The following GAS6 variants were observed in gnomAD, a reference collection of about 807,000 sequenced individuals.
GAS6 encodes the protein growth arrest specific 6, also known as growth arrest-specific protein 6.
In GAS6, 41 loss-of-function variants were observed where a neutral mutation model predicts 75.8. The ratio of observed to expected loss-of-function variants is 0.54; its 90% CI spans 0.42 to 0.70. GAS6 has a LOEUF of 0.70. GAS6 is among the 30% of genes least tolerant of loss of function. GAS6 has a pLI of 0.00. For missense variants in GAS6, 854 were observed against 940.2 expected, an observed-to-expected ratio of 0.91 and a Z score of 1.20; for synonymous variants, 432 against 412.6, an observed-to-expected ratio of 1.05 and a Z score of -0.57.
rs571534735 is a variant in GAS6, at chr13:113,834,826, C to A, written c.713-154G>T. On this transcript the variant is annotated intron_variant, in intron 7 of 14. Coordinates refer to ENST00000327773, the MANE Select transcript of GAS6 (RefSeq NM_000820.4). ...GCGGCTTGGGGGTCGCGTCCCCCCCCACTGGAAAGCTAGGTTGCACCCTCG... is the reference window on the plus strand; with the variant it reads ...GCGGCTTGGGGGTCGCGTCCCCCCCAACTGGAAAGCTAGGTTGCACCCTCG... 3.3e-5 allele frequency: 25 copies of A among 756,338 alleles called. No homozygotes were observed. The African/African-American group carries it at 3.4e-4, about 10-fold the overall frequency. The allele number at this position is 756,338 out of a possible 1,614,324, so 46.9% of individuals were successfully genotyped here.
Position 113,822,022 on chromosome 13 carries a change from C to T in GAS6, c.1818G>A (p.Glu606=). ...GGTGCCTCTCGAGCACGGCCAGCCT[C>T]TCCTGCAGCTGCGCGGCGCTCACCT... ...QSEVSAAQLQ[E]RLAVLERHLR... is the part of the protein sequence containing the mutation. The change falls in exon 14 of 15, where the codon GAG becomes GAA. Residue 606 remains glutamate, a synonymous_variant. Coordinates refer to ENST00000327773, the MANE Select transcript of GAS6 (RefSeq NM_000820.4). The T allele has an allele frequency of 6.4e-7, 1 of 1,567,008 alleles. No homozygotes were observed. Among genetic ancestry groups the T allele is most frequent in the East Asian group, 2.3e-5 (1 of 42,842 alleles).
intron 2 of GAS6, among the ~76,000 whole-genome samples, chr13:113,860,365 G>A (rs2051961547): frequency 6.6e-6 from 1 of 152,240 alleles, no homozygotes; most frequent in Admixed American, 6.5e-5. Flanking sequence ...TTTTCCGGCA[G>A]GCAGGCCGGG....
chr13:113,863,148 C>T lies in GAS6; in HGVS notation c.255+427G>A, dbSNP rs1207991575. Among the ~76,000 whole-genome samples the T allele has an allele frequency of 6.6e-6, 1 of 152,208 alleles. No individual in the cohort carries two copies. On this transcript the variant is annotated intron_variant, in intron 2 of 14. Transcript: ENST00000327773. The surrounding 1 kb of genome is among the most constrained non-coding windows in gnomAD (Gnocchi z 9.4). ...TGGACCTGCTGCCGCAAGCAGTTCC[C>T]GCCCTCGGCCCTTTCAATTCCTCTT...
At chr13:113,832,819 C>A (rs534488518) in intron 8 of GAS6, 67 bp from the exon 9 acceptor site, 3 of 1,606,354 alleles carry the variant, frequency 1.9e-6, no homozygotes, top group African/African-American at 2.7e-5. Context: ...GAGCCCCACG[C>A]CCCGGCCGCG....
chr13:113,835,818 G>A lies in GAS6; in HGVS notation c.590-183C>T, dbSNP rs891980153. On this transcript the variant is annotated intron_variant, in intron 6 of 14. Coordinates refer to ENST00000327773, the MANE Select transcript of GAS6 (RefSeq NM_000820.4). ...TGACCGGGCAGCTCCCGGGGTGTTG[G>A]TGCACGCTTCTGATCAAGGCCCGGC... is the stretch of plus-strand genomic sequence containing the variant. 3.5e-6 allele frequency: 5 copies of A among 1,412,918 alleles called. No homozygotes were observed. The African/African-American group carries it at 7.3e-5, about 21-fold the overall frequency. The allele number at this position is 1,412,918 out of a possible 1,614,324, so 87.5% of individuals were successfully genotyped here.
chr13:113,826,059 G>C (rs1423401984), intron 12 of GAS6, among the ~76,000 whole-genome samples: 2 of 152,182 alleles, frequency 1.3e-5, no homozygotes, highest in African/African-American at 4.8e-5. Flanking sequence ...GTGGGAATGT[G>C]AGGCAGGGTG....
intron 2 of GAS6, among the ~76,000 whole-genome samples, chr13:113,860,597 T>C (rs2051963339): frequency 6.6e-6 from 1 of 152,236 alleles, no homozygotes; most frequent in Admixed American, 6.5e-5. Context: ...CAGTCTTCTC[T>C]GAATTAGAAA....
At chr13:113,822,474 C>T in intron 13 of GAS6, 1 of 332,556 alleles carries the variant, frequency 3.0e-6, no homozygotes, top group East Asian at 4.9e-5. Flanking sequence ...CCCCAGGCAC[C>T]AGGCACACAC....
At chr13:113,858,348 T>C (rs974663079) in intron 2 of GAS6, among the ~76,000 whole-genome samples, 2 of 152,230 alleles carry the variant, frequency 1.3e-5, no homozygotes, top group Non-Finnish European at 2.9e-5. Context: ...ACTGTGTACG[T>C]ATGTCTATGT....
chr13:113,829,305 G>C, intron 10 of GAS6, among the ~76,000 whole-genome samples: 1 of 150,558 alleles, frequency 6.6e-6, no homozygotes, highest in South Asian at 2.1e-4. Context: ...ATCCTCACCT[G>C]GGCGAAGAGG....
intron 7 of GAS6, chr13:113,834,881 G>A (rs1050909705): frequency 9.0e-6 from 4 of 446,160 alleles, no homozygotes; most frequent in African/African-American, 4.0e-5. Context: ...CTTTCTTGAG[G>A]GAATAAAAAT....
At chr13:113,841,871 A>G (rs1296779694) in intron 4 of GAS6, 1 of 91,386 alleles carries the variant, frequency 1.1e-5, no homozygotes, top group Admixed American at 1.4e-4. Context: ...CCATATGCCC[A>G]GTTTCCTCCA....
In GAS6 at chr13:113,834,532, G is replaced by C. The variant is rs769369431; in HGVS notation, c.834+19C>G. The C allele has an allele frequency of 5.9e-6, 9 of 1,530,034 alleles. No homozygotes were observed. Among genetic ancestry groups the C allele is most frequent in the Non-Finnish European group, 1.8e-6 (2 of 1,141,148 alleles). 94.8% of individuals were successfully genotyped at this position (1,530,034 alleles called of 1,614,324 possible). ...CCCGGAACCACCGTGAAGGGCCCGC[G>C]GGGCCAGGGGCCGCCTACCTCACAG... is the stretch of plus-strand genomic sequence containing the variant. On this transcript the variant is annotated intron_variant, in intron 8 of 14. Transcript: ENST00000327773.
chr13:113,835,893 C>G lies in GAS6; in HGVS notation c.590-258G>C. 1.7e-5 allele frequency: 21 copies of G among 1,221,248 alleles called. No homozygotes were observed. In the East Asian group the frequency reaches 2.0e-4, roughly 12 times the overall value. The allele number at this position is 1,221,248 out of a possible 1,614,324, so 75.7% of individuals were successfully genotyped here. A position where few individuals can be genotyped will look rare whatever the true frequency, so the allele number is the denominator to read the frequency against. ...AGGTGGAGAGCTGGGAAGGGCCCTG[C>G]TTGGTGGAGGGGTGGGGGGCGGCGG... On this transcript the variant is annotated intron_variant, in intron 6 of 14. Coordinates refer to ENST00000327773, the MANE Select transcript of GAS6 (RefSeq NM_000820.4).
chr13:113,858,745 C>T (rs1367754825), intron 2 of GAS6, among the ~76,000 whole-genome samples: 2 of 149,482 alleles, frequency 1.3e-5, no homozygotes, highest in Non-Finnish European at 3.0e-5. Flanking sequence ...GTGTACATGT[C>T]TGTTAGTATG....
chr13:113,823,160 GC>G, intron 13 of GAS6: 1 of 494,470 alleles, frequency 2.0e-6, no homozygotes, highest in Non-Finnish European at 3.5e-6. Flanking sequence ...GCAGGCGCCG[GC>G]CCCCTCAGCT....
intron 6 of GAS6, among the ~76,000 whole-genome samples, chr13:113,836,848 G>GAAGGGGAGGAGGA: frequency 1.3e-5 from 1 of 76,108 alleles, no homozygotes; most frequent in African/African-American, 5.3e-5. Flanking sequence ...GAGGGGGAGT[G>GAAGGGGAGGAGGA]GGGGGGAGGA....
rs116820739 is a variant in GAS6 at position 113,839,120 on chromosome 13, G to T, written c.466+608C>A. 780 of 157,832 alleles carry T rather than the reference G, an allele frequency of 4.9e-3. 8 individuals are homozygous for T. The highest frequency in any genetic ancestry group is 0.018 in the African/African-American group (748 of 41,588). 9.8% of individuals were successfully genotyped at this position (157,832 alleles called of 1,614,324 possible). On this transcript the variant is annotated intron_variant, in intron 5 of 14. Coordinates refer to ENST00000327773, the MANE Select transcript of GAS6 (RefSeq NM_000820.4). ...AGGCCAGGAGTGACCTCTGGGTGCC[G>T]AGGACAGACAAGGCCAGGCCAGAGC... is the stretch of plus-strand genomic sequence containing the variant.
intron 12 of GAS6, among the ~76,000 whole-genome samples, chr13:113,825,257 AAG>A (rs1491117503): frequency 6.6e-6 from 1 of 151,028 alleles, no homozygotes; most frequent in African/African-American, 2.4e-5. Flanking sequence ...AAAAAAAAAA[AAG>A]GAAGCTCCTG....
Sources: allele counts gnomAD v4.1 joint callset (sites outside exome capture counted in the v4.1 genomes callset), GRCh38; gene constraint gnomAD v4.1.1; non-coding constraint Gnocchi (gnomAD v3.1); transcripts MANE v1.5; gene names NCBI Gene and HGNC (gene_info 2026-07-23, HGNC 2026-07-21).